The following RSPO2 variants were observed in gnomAD, a reference collection of about 807,000 sequenced individuals.
The protein encoded by RSPO2 is R-spondin-2.
In RSPO2, 14 loss-of-function variants were observed where a neutral mutation model predicts 30.9. That is an observed-to-expected ratio of 0.45 (90% CI 0.30 to 0.71). RSPO2 has a LOEUF of 0.71. Ranked by LOEUF, RSPO2 falls within the 30% of genes least tolerant of loss-of-function variation. RSPO2 has a pLI of 0.08. For missense variants in RSPO2, 264 were observed against 301.9 expected, an observed-to-expected ratio of 0.87 and a Z score of 0.93; for synonymous variants, 107 against 96.4, an observed-to-expected ratio of 1.11 and a Z score of -0.64.
chr8:108,043,911 A>T (rs910341149), intron 2 of RSPO2, among the ~76,000 whole-genome samples: 4 of 152,138 alleles, frequency 2.6e-5, no homozygotes, highest in Non-Finnish European at 5.9e-5. Context: ...ATAAGTTTTT[A>T]AAAACCTCAG....
intron 3 of RSPO2, among the ~76,000 whole-genome samples, chr8:107,975,684 C>T (rs940714287): frequency 6.6e-6 from 1 of 152,216 alleles, no homozygotes; most frequent in Admixed American, 6.5e-5. Context: ...TTATGAGATG[C>T]CAAGGCCTTG....
intron 2 of RSPO2, among the ~76,000 whole-genome samples, chr8:108,001,170 C>A (rs1037116044): frequency 6.6e-6 from 1 of 151,898 alleles, no homozygotes; most frequent in Admixed American, 6.5e-5. Flanking sequence ...CCAGCCTGGG[C>A]GACAGAGCGA....
At chr8:107,993,522 G>A (rs974924887) in intron 2 of RSPO2, among the ~76,000 whole-genome samples, 7 of 152,098 alleles carry the variant, frequency 4.6e-5, no homozygotes, top group African/African-American at 1.4e-4. Flanking sequence ...AGGCAGGCAC[G>A]GCTAATCTGT....
chr8:108,039,073 T>A (rs1440125406), intron 2 of RSPO2, among the ~76,000 whole-genome samples: 1 of 152,206 alleles, frequency 6.6e-6, no homozygotes, highest in Non-Finnish European at 1.5e-5. Flanking sequence ...AGTCTTCTAG[T>A]GTATATGACA....
chr8:107,964,918 C>T (rs1001276688), intron 3 of RSPO2, among the ~76,000 whole-genome samples: 9 of 152,098 alleles, frequency 5.9e-5, no homozygotes, highest in African/African-American at 2.2e-4. Context: ...CTTTTTCTCA[C>T]CTGAATGGCA....
At chr8:108,015,784 C>T (rs1448317567) in intron 2 of RSPO2, among the ~76,000 whole-genome samples, 1 of 152,168 alleles carries the variant, frequency 6.6e-6, no homozygotes, top group Non-Finnish European at 1.5e-5. Context: ...CAGCCCAGTT[C>T]TATACTGAGG....
At chr8:108,038,991 G>T (rs1019095139) in intron 2 of RSPO2, among the ~76,000 whole-genome samples, 2 of 152,078 alleles carry the variant, frequency 1.3e-5, no homozygotes, top group African/African-American at 2.4e-5. Context: ...TAAATGCTTT[G>T]CTAAGTGTCT....
intron 2 of RSPO2, among the ~76,000 whole-genome samples, chr8:108,027,366 T>A (rs572636476): frequency 1.3e-5 from 2 of 152,324 alleles, no homozygotes; most frequent in South Asian, 4.1e-4. Context: ...CTTAGTTCAG[T>A]GCCAATAACA....
chr8:108,007,183 T>A (rs751981076), intron 2 of RSPO2, among the ~76,000 whole-genome samples: 3 of 152,178 alleles, frequency 2.0e-5, no homozygotes, highest in Non-Finnish European at 2.9e-5. Flanking sequence ...TTAGAGCAGT[T>A]CCTCCACTAT....
chr8:108,051,886 G>A (rs1812089998), intron 2 of RSPO2, among the ~76,000 whole-genome samples: 1 of 152,180 alleles, frequency 6.6e-6, no homozygotes, highest in Non-Finnish European at 1.5e-5. Flanking sequence ...TGTTTCTTAA[G>A]GGGTTTGGCA....
intron 5 of RSPO2, among the ~76,000 whole-genome samples, chr8:107,949,468 A>G (rs1224115020): frequency 1.3e-5 from 2 of 152,160 alleles, no homozygotes; most frequent in Non-Finnish European, 2.9e-5. Context: ...GTAGATCTAC[A>G]TATTTCCTGC....
intron 3 of RSPO2, among the ~76,000 whole-genome samples, chr8:107,967,206 T>C (rs1317348806): frequency 6.6e-6 from 1 of 152,212 alleles, no homozygotes; most frequent in East Asian, 1.9e-4. Flanking sequence ...TCCCAAAACA[T>C]TCAAAATTAG....
chr8:107,963,617 A>G (rs934147332), intron 3 of RSPO2, among the ~76,000 whole-genome samples: 2 of 148,248 alleles, frequency 1.3e-5, no homozygotes, highest in Non-Finnish European at 3.0e-5. Flanking sequence ...GTTCATGGGT[A>G]TGAAGTAGCT....
chr8:108,047,692 A>G (rs1340024207), intron 2 of RSPO2, among the ~76,000 whole-genome samples: 1 of 152,054 alleles, frequency 6.6e-6, no homozygotes, highest in African/African-American at 2.4e-5. Flanking sequence ...TATTAAAAAT[A>G]TCAAAAACAT....
In RSPO2 at chr8:107,968,246, C is replaced by A. The variant is rs568697502; in HGVS notation, c.284-7429G>T. ...AGAAAATATTTTATGTATATACACACAATAGAATGTTATTCAGCTATAAAA... is the reference window on the plus strand; with the variant it reads ...AGAAAATATTTTATGTATATACACAAAATAGAATGTTATTCAGCTATAAAA... On this transcript the variant is annotated intron_variant, in intron 3 of 5. Transcript: ENST00000276659. Among the ~76,000 whole-genome samples the A allele has an allele frequency of 7.9e-5, 12 of 152,114 alleles. 1 individual carries two copies. In the South Asian group the frequency reaches 2.5e-3, roughly 32 times the overall value.
At chr8:108,082,330 G>A (rs948908433) in intron 2 of RSPO2, among the ~76,000 whole-genome samples, 2 of 152,218 alleles carry the variant, frequency 1.3e-5, no homozygotes, top group Admixed American at 1.3e-4. Context: ...CGAGCTCCCA[G>A]CGCGTCTCGC....
chr8:108,074,305 T>TA (rs1219252305), intron 2 of RSPO2, among the ~76,000 whole-genome samples: 1 of 152,086 alleles, frequency 6.6e-6, no homozygotes, highest in Non-Finnish European at 1.5e-5. Context: ...CATTTTAGAG[T>TA]AAAAAATAAG....
At chr8:107,991,273 C>T (rs1814839020) in intron 2 of RSPO2, among the ~76,000 whole-genome samples, 1 of 151,574 alleles carries the variant, frequency 6.6e-6, no homozygotes. Context: ...CACACACACA[C>T]ACACACACAC....
chr8:107,970,789 G>T (rs1323404646), intron 3 of RSPO2, among the ~76,000 whole-genome samples: 2 of 152,240 alleles, frequency 1.3e-5, no homozygotes, highest in African/African-American at 4.8e-5. Context: ...AAGGAAGAGA[G>T]AAGAATTTTA....
Sources: gnomAD v4.1 joint callset for allele counts (sites outside exome capture counted in the v4.1 genomes callset) on GRCh38, gnomAD v4.1.1 for gene constraint, MANE v1.5 for transcripts, NCBI Gene and HGNC (gene_info 2026-07-23, HGNC 2026-07-21) for gene names.